The following RBM33 variants were observed in gnomAD, a reference collection of about 807,000 sequenced individuals.
The protein encoded by RBM33 is RNA-binding protein 33.
A neutral mutation model predicts 132.6 loss-of-function variants in RBM33; 28 were observed. That is an observed-to-expected ratio of 0.21 (90% CI 0.16 to 0.29). The LOEUF is 0.29. RBM33 is among the 10% of genes least tolerant of loss of function. RBM33 has a pLI of 1.00. For missense variants in RBM33, 1,291 were observed against 1,518.5 expected, an observed-to-expected ratio of 0.85 and a Z score of 2.49; for synonymous variants, 634 against 593.0, an observed-to-expected ratio of 1.07 and a Z score of -1.01.
At chr7:155,711,576 G>C (rs913411039) in intron 8 of RBM33, 121 bp downstream of exon 8, 29 of 563,812 alleles carry the variant, frequency 5.1e-5, no homozygotes, top group Non-Finnish European at 8.1e-5. Context: ...TATGCGTTCA[G>C]AAGAAATCAT....
chr7:155,755,660 C>T (rs1801825316), intron 14 of RBM33, among the ~76,000 whole-genome samples: 1 of 152,160 alleles, frequency 6.6e-6, no homozygotes, highest in Non-Finnish European at 1.5e-5. Context: ...CTAGTGAATG[C>T]AAGTCAGTGA....
chr7:155,683,770 A>G (rs1799399705), intron 5 of RBM33, among the ~76,000 whole-genome samples: 2 of 152,170 alleles, frequency 1.3e-5, no homozygotes, highest in South Asian at 4.1e-4. Flanking sequence ...AGTGACTTTT[A>G]CCTTTAAGTG....
At chr7:155,656,568 C>T (rs571386216) in intron 1 of RBM33, among the ~76,000 whole-genome samples, 26 of 151,920 alleles carry the variant, frequency 1.7e-4, no homozygotes, top group South Asian at 8.3e-4. Flanking sequence ...AAAAACATAT[C>T]GAGTGAGACT....
In RBM33 at chr7:155,745,789, G is replaced by A. The variant is rs971237395; in HGVS notation, c.2979+187G>A. ...ACGACAGGCATACATTCTCAGAAAT[G>A]TGTTGTTAGGCGATTTTGTCATTGT... On this transcript the variant is annotated intron_variant, in intron 14 of 17. Transcript: ENST00000401878. The surrounding 1 kb of genome is among the most constrained non-coding windows in gnomAD (Gnocchi z 4.1). The A allele has an allele frequency of 6.7e-5, 42 of 626,146 alleles. No homozygotes were observed. The East Asian group carries it at 9.0e-4, about 13-fold the overall frequency. 38.8% of individuals were successfully genotyped at this position (626,146 alleles called of 1,614,324 possible). A position where few individuals can be genotyped will look rare whatever the true frequency, so the allele number is the denominator to read the frequency against.
At chr7:155,651,819 T>A (rs1185110362) in intron 1 of RBM33, among the ~76,000 whole-genome samples, 1 of 152,168 alleles carries the variant, frequency 6.6e-6, no homozygotes, top group African/African-American at 2.4e-5. Flanking sequence ...TGATGAAAGT[T>A]TGTTGAAAGA....
At chr7:155,769,620 C>T (rs925625032) in intron 16 of RBM33, among the ~76,000 whole-genome samples, 9 of 152,034 alleles carry the variant, frequency 5.9e-5, no homozygotes, top group African/African-American at 1.7e-4. Context: ...GGGATCATCT[C>T]GGCGTCTGAC....
At chr7:155,700,164 GA>G (rs1278936179) in intron 5 of RBM33, among the ~76,000 whole-genome samples, 1 of 152,032 alleles carries the variant, frequency 6.6e-6, no homozygotes, top group African/African-American at 2.4e-5. Flanking sequence ...CATGACTGAA[GA>G]AAAAAAGTTT....
At chr7:155,764,724 T>C (rs773231409) in intron 15 of RBM33, among the ~76,000 whole-genome samples, 1 of 152,230 alleles carries the variant, frequency 6.6e-6, no homozygotes, top group Non-Finnish European at 1.5e-5. Context: ...GTAGCACCTG[T>C]TGGGTGGAGC....
intron 5 of RBM33, among the ~76,000 whole-genome samples, chr7:155,681,387 G>A (rs543336178): frequency 4.6e-5 from 7 of 152,212 alleles, no homozygotes; most frequent in African/African-American, 1.7e-4. Flanking sequence ...GAGATTGGAG[G>A]TTAGTTTAGG....
Position 155,680,570 on chromosome 7 carries a change from T to C in RBM33, c.249-20T>C. 6.6e-7 allele frequency: 1 copy of C among 1,506,420 alleles called. No homozygotes were observed. The highest frequency in any genetic ancestry group is 1.3e-5 in the South Asian group (1 of 77,424). The allele number at this position is 1,506,420 out of a possible 1,614,324, so 93.3% of individuals were successfully genotyped here. A position where few individuals can be genotyped will look rare whatever the true frequency, so the allele number is the denominator to read the frequency against. On this transcript the variant is annotated intron_variant, in intron 4 of 17. Coordinates refer to ENST00000401878, the MANE Select transcript of RBM33 (RefSeq NM_053043.3). ...CTCTCTTCATTGGGTGCTTTTTTTTTTTATTTTCGTCCTCTCTAGTTCTCA... is the reference window on the plus strand; with the variant it reads ...CTCTCTTCATTGGGTGCTTTTTTTTCTTATTTTCGTCCTCTCTAGTTCTCA...
intron 9 of RBM33, among the ~76,000 whole-genome samples, chr7:155,736,681 T>A (rs1801135853): frequency 6.6e-6 from 1 of 152,250 alleles, no homozygotes; most frequent in Non-Finnish European, 1.5e-5. Context: ...CATTTTTCTG[T>A]TAAGTCAGGA....
Position 155,651,325 on chromosome 7 carries a change from C to T in RBM33, c.43+6406C>T, listed in dbSNP as rs936874515. On this transcript the variant is annotated intron_variant, in intron 1 of 17. Coordinates refer to ENST00000401878, the MANE Select transcript of RBM33 (RefSeq NM_053043.3). The stretch of plus-strand genomic sequence containing the variant: ...GAGTTTATTTTTGTAAGATTTTTGG[C>T]GGTATTGTTGTGTTTTCTGGCATCC... 5.3e-5 allele frequency among the ~76,000 whole-genome samples: 8 copies of T among 151,930 alleles called. No homozygotes were observed. In the South Asian group the frequency reaches 6.2e-4, roughly 12 times the overall value.
At chr7:155,719,000 C>A (rs1170725506) in intron 9 of RBM33, among the ~76,000 whole-genome samples, 1 of 152,150 alleles carries the variant, frequency 6.6e-6, no homozygotes, top group Non-Finnish European at 1.5e-5. Context: ...CTTATACACA[C>A]ACAGAAATGC....
At chr7:155,700,391 G>A (rs1030216086) in intron 5 of RBM33, among the ~76,000 whole-genome samples, 1 of 152,140 alleles carries the variant, frequency 6.6e-6, no homozygotes, top group Non-Finnish European at 1.5e-5. Flanking sequence ...TAGAACTTTA[G>A]TGTTAGTTTA....
chr7:155,734,356 C>T (rs1003363332), intron 9 of RBM33, among the ~76,000 whole-genome samples: 2 of 152,216 alleles, frequency 1.3e-5, no homozygotes, highest in Non-Finnish European at 2.9e-5. Flanking sequence ...GGCAAACCAT[C>T]ATCAAACCTG....
At chr7:155,689,957 G>T (rs1436250793) in intron 5 of RBM33, among the ~76,000 whole-genome samples, 1 of 152,230 alleles carries the variant, frequency 6.6e-6, no homozygotes, top group East Asian at 1.9e-4. Context: ...CTGATTTAGG[G>T]TGGAGACTTC....
intron 8 of RBM33, among the ~76,000 whole-genome samples, chr7:155,713,415 G>A (rs1013029431): frequency 1.7e-4 from 26 of 152,242 alleles, no homozygotes; most frequent in African/African-American, 6.0e-4. Context: ...TGACACAGGA[G>A]GGGGAGGGGC....
chr7:155,662,873 C>T (rs990937832), intron 1 of RBM33, among the ~76,000 whole-genome samples: 2 of 152,068 alleles, frequency 1.3e-5, no homozygotes, highest in Admixed American at 6.6e-5. Context: ...GTGGGGAGGG[C>T]GTCCTGTGTT....
At chr7:155,693,718 A>G (rs1799712192) in intron 5 of RBM33, among the ~76,000 whole-genome samples, 1 of 151,594 alleles carries the variant, frequency 6.6e-6, no homozygotes, top group Non-Finnish European at 1.5e-5. Flanking sequence ...ACTAGCAATA[A>G]ATATTTGGGG....
Sources: gnomAD v4.1 joint callset for allele counts (sites outside exome capture counted in the v4.1 genomes callset) on GRCh38, gnomAD v4.1.1 for gene constraint, Gnocchi (gnomAD v3.1) non-coding constraint, MANE v1.5 for transcripts, NCBI Gene and HGNC (gene_info 2026-07-23, HGNC 2026-07-21) for gene names.